Variants in FBN2 observed in about 807,000 individuals in gnomAD.
The protein encoded by FBN2 is fibrillin 2, also known as fibrillin-2.
In FBN2, 105 loss-of-function variants were observed where a neutral mutation model predicts 355.6. That is an observed-to-expected ratio of 0.30 (90% CI 0.25 to 0.35). The LOEUF (loss-of-function observed/expected upper bound fraction) is 0.35. Among genes scored for constraint, FBN2 ranks in the 10% least tolerant of loss-of-function variants. The probability of loss-of-function intolerance (pLI) is 1.00; values close to 1 mark genes in which losing one functional copy is unlikely to be tolerated. For missense variants in FBN2, 3,280 were observed against 3,758.7 expected (o/e 0.87, Z 3.33); for synonymous variants, 1,350 against 1,301.2 (o/e 1.04, Z -0.81).
chr5:128,330,958 G>C (rs759684792), intron 32 of FBN2, among the ~76,000 whole-genome samples: 13 of 151,950 alleles, frequency 8.6e-5, no homozygotes, highest in Non-Finnish European at 1.5e-5. Flanking sequence ...ATTAGTGTTA[G>C]ATCTCATTCT....
At chr5:128,469,151 G>A (rs1302613148) in intron 5 of FBN2, among the ~76,000 whole-genome samples, 1 of 152,162 alleles carries the variant, frequency 6.6e-6, no homozygotes, top group African/African-American at 2.4e-5. Flanking sequence ...AGAGAAGAGA[G>A]CACCAATGTC....
Position 128,278,790 on chromosome 5 carries a change from A to G in FBN2, c.7190T>C (p.Met2397Thr). 6.2e-7 allele frequency: 1 copy of G among 1,614,100 alleles called. No individual in the cohort carries two copies. The highest frequency in any genetic ancestry group is 8.5e-7 in the Non-Finnish European group (1 of 1,180,008). Residue 2397 changes from methionine (M) to threonine (T), a missense_variant, in exon 57 of 65, where the codon ATG (methionine) becomes ACG (threonine). Physicochemically the swap from Met to Thr is moderately conservative, Grantham distance 81. Transcript: ENST00000262464. Reference protein sequence around the residue: ...FAEVLQTICQMASSSRNLVTK... With the variant: ...FAEVLQTICQTASSSRNLVTK... Reference sequence around the variant, plus strand: ...GACGAGATTGCGACTACTGGATGCCATTTGACATATTGTCTGCAGTACCTC... The same window carrying G: ...GACGAGATTGCGACTACTGGATGCCGTTTGACATATTGTCTGCAGTACCTC...
At chr5:128,305,184 C>A in intron 44 of FBN2, 102 bp from the exon 45 acceptor site, 1 of 1,043,960 alleles carries the variant, frequency 9.6e-7, no homozygotes, top group Non-Finnish European at 1.5e-6. Context: ...TTATTATAGG[C>A]AGGCTGAAAA....
chr5:128,435,814 G>C (rs1753755335), intron 7 of FBN2, among the ~76,000 whole-genome samples: 1 of 152,152 alleles, frequency 6.6e-6, no homozygotes, highest in Admixed American at 6.6e-5. Context: ...TCACAATCCA[G>C]ATCAAAGCCT....
At chr5:128,292,869 T>C (rs530204472) in intron 48 of FBN2, among the ~76,000 whole-genome samples, 34 of 152,260 alleles carry the variant, frequency 2.2e-4, no homozygotes, top group Middle Eastern at 6.8e-3. Flanking sequence ...ACCATAATGA[T>C]CCCTAACCTC....
chr5:128,481,319 G>A (rs180760900), intron 5 of FBN2, among the ~76,000 whole-genome samples: 31 of 152,154 alleles, frequency 2.0e-4, no homozygotes, highest in African/African-American at 6.3e-4. Context: ...GTACTGTTCC[G>A]ACCTGGCAAC....
intron 8 of FBN2, among the ~76,000 whole-genome samples, chr5:128,402,400 T>A (rs1233432685): frequency 1.3e-5 from 2 of 152,146 alleles, no homozygotes; most frequent in Non-Finnish European, 2.9e-5. Flanking sequence ...GAACAAGGCT[T>A]ACAAGGAGTC....
intron 5 of FBN2, among the ~76,000 whole-genome samples, chr5:128,483,509 T>G (rs1047671184): frequency 6.6e-6 from 1 of 152,072 alleles, no homozygotes; most frequent in African/African-American, 2.4e-5. Context: ...GCTGAGTTTT[T>G]TTTTTTTAAA....
rs1386089893 is a variant in FBN2, at chr5:128,430,960, T to G, written c.952+15521A>C. Among the ~76,000 whole-genome samples the G allele has an allele frequency of 2.6e-5, 4 of 152,232 alleles. No homozygotes were observed. In the East Asian group the frequency reaches 7.7e-4, roughly 29 times the overall value. ...AAGTGCCACACTGACTCATATCCCATGTAGTGTACAGGTAGACAAACTCAT... is the reference window on the plus strand; with the variant it reads ...AAGTGCCACACTGACTCATATCCCAGGTAGTGTACAGGTAGACAAACTCAT... On this transcript the variant is annotated intron_variant, in intron 7 of 64. Coordinates refer to ENST00000262464, the MANE Select transcript of FBN2 (RefSeq NM_001999.4).
At chr5:128,458,666 G>T (rs188484098) in intron 6 of FBN2, among the ~76,000 whole-genome samples, 136 of 152,106 alleles carry the variant, frequency 8.9e-4, no homozygotes, top group Non-Finnish European at 1.6e-3. Flanking sequence ...AGACAATTTT[G>T]TGGAAACTGA....
chr5:128,454,728 G>A (rs1035080274), intron 6 of FBN2, among the ~76,000 whole-genome samples: 1 of 152,156 alleles, frequency 6.6e-6, no homozygotes, highest in African/African-American at 2.4e-5. Flanking sequence ...ACCAGCATTT[G>A]TTTTGCAGAA....
chr5:128,304,061 T>C (rs753964299), intron 45 of FBN2, among the ~76,000 whole-genome samples: 3 of 152,176 alleles, frequency 2.0e-5, no homozygotes, highest in Non-Finnish European at 4.4e-5. Context: ...GTTGTATGGA[T>C]GTGTCATGAA....
chr5:128,346,280 C>A (rs185641330), intron 23 of FBN2, among the ~76,000 whole-genome samples: 2 of 152,178 alleles, frequency 1.3e-5, no homozygotes, highest in Non-Finnish European at 2.9e-5. Flanking sequence ...CCAGAATGGT[C>A]TATAAATAAC....
At position 128,348,694 on chromosome 5, in the gene FBN2, T is replaced by C. The variant is rs944456970; in HGVS notation, c.2989+653A>G. Among the ~76,000 whole-genome samples, 16 of 152,244 alleles carry C rather than the reference T, an allele frequency of 1.1e-4. No individual in the cohort carries two copies. The South Asian group carries it at 2.9e-3, about 28-fold the overall frequency. ...AGCTTATTGGGGGAAAAAAAATCTC[T>C]GTAGGTAAATGAAAAATTATTGTTA... On this transcript the variant is annotated intron_variant, in intron 23 of 64. Coordinates refer to ENST00000262464, the MANE Select transcript of FBN2 (RefSeq NM_001999.4).
intron 4 of FBN2, among the ~76,000 whole-genome samples, chr5:128,522,976 AAC>A (rs1756475448): frequency 6.6e-6 from 1 of 152,198 alleles, no homozygotes; most frequent in Non-Finnish European, 1.5e-5. Flanking sequence ...AGAAGGAGAA[AAC>A]ACACTGTTTT....
intron 60 of FBN2, 55 bp from the exon 61 acceptor site, chr5:128,274,023 C>T (rs148588581): frequency 8.5e-5 from 137 of 1,604,010 alleles, no homozygotes; most frequent in South Asian, 6.8e-4. Context: ...ACATGTCTTA[C>T]GTTTCATGGG....
intron 62 of FBN2, among the ~76,000 whole-genome samples, chr5:128,267,181 T>A (rs10058942): frequency 0.068 from 10,281 of 152,286 alleles, 1,153 homozygotes; most frequent in African/African-American, 0.23. Flanking sequence ...CTGCATAGTA[T>A]TCCATGGTGT....
chr5:128,513,509 C>T (rs1184458360), intron 5 of FBN2, among the ~76,000 whole-genome samples: 1 of 152,108 alleles, frequency 6.6e-6, no homozygotes, highest in Admixed American at 6.5e-5. Context: ...GGTAGATAAA[C>T]CAAAATCAAA....
At chr5:128,359,052 T>C (rs567742028) in intron 19 of FBN2, among the ~76,000 whole-genome samples, 26 of 152,058 alleles carry the variant, frequency 1.7e-4, no homozygotes, top group Non-Finnish European at 2.1e-4. Flanking sequence ...GTTATGTCAC[T>C]GGAAACACAA....
Sources: gnomAD v4.1 joint callset for allele counts (sites outside exome capture counted in the v4.1 genomes callset) on GRCh38, gnomAD v4.1.1 for gene constraint, MANE v1.5 for transcripts, NCBI Gene and HGNC (gene_info 2026-07-23, HGNC 2026-07-21) for gene names.